Variants in MICALL2 observed in about 807,000 individuals in gnomAD.
MICALL2 encodes the protein MICAL like 2.
Under a neutral mutation model 91.1 loss-of-function variants are expected in MICALL2, and 111 were observed. The ratio of observed to expected loss-of-function variants is 1.22; its 90% confidence interval spans 1.04 to 1.43. The LOEUF (loss-of-function observed/expected upper bound fraction) is 1.43. Ranked by LOEUF, MICALL2 falls within the 40% of genes most tolerant of loss-of-function variation. The pLI, the probability that MICALL2 is intolerant of heterozygous loss-of-function variation, is 0.00. For synonymous variants in MICALL2, 694 were observed against 525.3 expected (o/e 1.32, Z -4.39); for missense variants, 1,556 against 1,236.0 (o/e 1.26, Z -3.88).
Position 1,435,126 on chromosome 7 carries a change from C to T in MICALL2, c.2613G>A (p.Met871Ile). The T allele has an allele frequency of 6.2e-7, 1 of 1,613,626 alleles. No homozygotes were observed. The change falls in exon 16 of 17, where the codon ATG becomes ATA. Residue 871 changes from methionine (M) to isoleucine (I), a missense_variant. Physicochemically the swap from Met to Ile is conservative, Grantham distance 10. Coordinates refer to ENST00000297508, the MANE Select transcript of MICALL2 (RefSeq NM_182924.4). ...CCAGCTTCTCAATCATGTCCCGCAG[C>T]ATCTGATCCTCCTCTTGTTCCCTGA... ...DRLREQEEDQ[M>I]LRDMIEKLGL...
Position 1,447,560 on chromosome 7 carries a change from G to C in MICALL2, c.525+15C>G. 1 of 1,453,538 alleles carries C rather than the reference G, an allele frequency of 6.9e-7. No homozygotes were observed. The allele number at this position is 1,453,538 out of a possible 1,614,324, so 90.0% of individuals were successfully genotyped here. On this transcript the variant is annotated intron_variant, in intron 4 of 16. Transcript: ENST00000297508. ...AAACCCAGAGAACCAGGGGGAGGGT[G>C]GGGTGGGAGCTTACAGTCTTGGGGG...
At chr7:1,439,691 A>C (rs943249245) in intron 9 of MICALL2, 6 of 426,020 alleles carry the variant, frequency 1.4e-5, no homozygotes, top group African/African-American at 1.2e-4. Context: ...ACATGCGCAC[A>C]CATGCATCAC....
At position 1,442,391 on chromosome 7, in the gene MICALL2, A is replaced by T. The variant is rs1780338699; in HGVS notation, c.1512T>A (p.Ser504=). ...TCGAAGGGAGGCCAAGCACCCGGGGAGACGAGGACTGTAACGGCTTGGCTA... is the reference window on the plus strand; with the variant it reads ...TCGAAGGGAGGCCAAGCACCCGGGGTGACGAGGACTGTAACGGCTTGGCTA... The part of the protein sequence containing the change: ...SPLAKPLQSS[S]PRVLGLPSRM... The change falls in exon 7 of 17, where the codon TCT becomes TCA. Residue 504 remains serine (S), a synonymous_variant. Coordinates refer to ENST00000297508, the MANE Select transcript of MICALL2 (RefSeq NM_182924.4). 1 of 1,607,074 alleles carries T rather than the reference A, an allele frequency of 6.2e-7. No homozygotes were observed. Among genetic ancestry groups the T allele is most frequent in the Non-Finnish European group, 8.5e-7 (1 of 1,176,108 alleles).
At chr7:1,441,583 G>A (rs370798369) in intron 7 of MICALL2, 5 of 157,880 alleles carry the variant, frequency 3.2e-5, no homozygotes, top group South Asian at 3.8e-4. Context: ...AGAGCCCTCA[G>A]GTCATAGGGC....
chr7:1,439,622 AACAG>A (rs1417374491), intron 9 of MICALL2: 3 of 327,192 alleles, frequency 9.2e-6, no homozygotes, highest in African/African-American at 2.2e-5. Flanking sequence ...CACATACATG[AACAG>A]ACACATGGAC....
chr7:1,439,417 ATG>A (rs1278405471), intron 9 of MICALL2: 3 of 217,944 alleles, frequency 1.4e-5, no homozygotes, highest in African/African-American at 6.9e-5. Context: ...TTGCACACAC[ATG>A]CATCACACAG....
chr7:1,458,940 C>T (rs1781113948), intron 1 of MICALL2, among the ~76,000 whole-genome samples: 1 of 152,228 alleles, frequency 6.6e-6, no homozygotes, highest in African/African-American at 2.4e-5. Context: ...GCCCAGGAGC[C>T]GCCCTGAGTC....
At chr7:1,437,074 G>A (rs368750321) in intron 14 of MICALL2, 7 of 494,868 alleles carry the variant, frequency 1.4e-5, no homozygotes, top group Non-Finnish European at 2.5e-5. Flanking sequence ...TCATCTCGCA[G>A]AAACACCACT....
intron 1 of MICALL2, among the ~76,000 whole-genome samples, chr7:1,458,929 G>C (rs1222661241): frequency 1.3e-5 from 2 of 152,240 alleles, no homozygotes; most frequent in African/African-American, 2.4e-5. Flanking sequence ...CTGAAGCCAG[G>C]GCCCAGGAGC....
chr7:1,438,003 G>A, intron 12 of MICALL2, 23 bp from the exon 13 acceptor site: 3 of 1,550,578 alleles, frequency 1.9e-6, no homozygotes, highest in Non-Finnish European at 2.6e-6. Flanking sequence ...GCCAGCTGGG[G>A]CAGGGGGGCC....
intron 15 of MICALL2, among the ~76,000 whole-genome samples, 160 bp downstream of exon 15, chr7:1,436,582 T>C (rs985088964): frequency 5.0e-5 from 7 of 140,978 alleles, no homozygotes; most frequent in African/African-American, 1.4e-4. Context: ...CTTCAAAAAG[T>C]CCCCGATGGC....
Position 1,446,694 on chromosome 7 carries a change from G to A in MICALL2, c.641+19C>T, listed in dbSNP as rs377031996. On this transcript the variant is annotated intron_variant, in intron 5 of 16. Coordinates refer to ENST00000297508, the MANE Select transcript of MICALL2 (RefSeq NM_182924.4). ...AGGGGAGGTGCACACTCAGGCGTGC[G>A]GGCAGAGGGCAGCCCCACCTGAAGC... 1.3e-4 allele frequency: 205 copies of A among 1,553,786 alleles called. No individual in the cohort carries two copies. Among genetic ancestry groups the A allele is most frequent in the African/African-American group, 3.0e-4 (22 of 73,408 alleles).
intron 14 of MICALL2, 57 bp from the exon 15 acceptor site, chr7:1,436,913 G>T: frequency 7.7e-7 from 1 of 1,303,036 alleles, no homozygotes. Flanking sequence ...CCCCTCACAG[G>T]ACACAATGTC....
intron 6 of MICALL2, 115 bp from the exon 7 acceptor site, chr7:1,442,599 G>A (rs1057119681): frequency 5.0e-5 from 53 of 1,064,842 alleles, no homozygotes; most frequent in South Asian, 1.1e-4. Flanking sequence ...GCCTCCGGAC[G>A]GACTCCCACC....
rs772165115 is a variant in MICALL2 at position 1,452,709 on chromosome 7, C to G, written c.144-2421G>C. 3.3e-5 allele frequency among the ~76,000 whole-genome samples: 5 copies of G among 152,172 alleles called. No homozygotes were observed. The highest frequency in any genetic ancestry group is 5.9e-5 in the Non-Finnish European group (4 of 68,020). On this transcript the variant is annotated intron_variant, in intron 1 of 16. Coordinates refer to ENST00000297508, the MANE Select transcript of MICALL2 (RefSeq NM_182924.4). This position sits in a 1 kb window ranked among gnomAD's most constrained non-coding sequence, Gnocchi z 6.2. ...CAGGCTCTCAGAGCTCCAGGCAGATCAGAGCACCCCAGGCCCTCTGGACAC... is the reference window on the plus strand; with the variant it reads ...CAGGCTCTCAGAGCTCCAGGCAGATGAGAGCACCCCAGGCCCTCTGGACAC...
intron 1 of MICALL2, among the ~76,000 whole-genome samples, chr7:1,456,616 AAT>A: frequency 6.6e-6 from 1 of 151,680 alleles, no homozygotes; most frequent in South Asian, 2.1e-4. Flanking sequence ...AAATAGATAA[AAT>A]TAAATTAAAA....
rs1780347927 is a variant in MICALL2 at position 1,442,480 on chromosome 7, A to AG, written c.1422dup (p.Ser475LeufsTer15). The AG allele has an allele frequency of 6.6e-7, 1 of 1,525,768 alleles. No individual in the cohort carries two copies. The highest frequency in any genetic ancestry group is 1.3e-5 in the South Asian group (1 of 76,970). 94.5% of individuals were successfully genotyped at this position (1,525,768 alleles called of 1,614,324 possible). A position where few individuals can be genotyped will look rare whatever the true frequency, so the allele number is the denominator to read the frequency against. ...CTGGGAACAGCGGCAGTGGCTGGGGAGGGCCTATAAGTAAAAGCGCAGGCA... is the reference window on the plus strand; with the variant it reads ...CTGGGAACAGCGGCAGTGGCTGGGGAGGGGCCTATAAGTAAAAGCGCAGGCA... On this transcript the variant is annotated frameshift_variant, in exon 7 of 17. Coordinates refer to ENST00000297508, the MANE Select transcript of MICALL2 (RefSeq NM_182924.4). LOFTEE classifies it high-confidence loss of function.
intron 9 of MICALL2, chr7:1,439,365 C>CCG: frequency 8.4e-6 from 2 of 239,050 alleles, no homozygotes; most frequent in South Asian, 9.6e-5. Flanking sequence ...ATTCATGAAA[C>CCG]AGATCCACAC....
intron 6 of MICALL2, among the ~76,000 whole-genome samples, chr7:1,443,125 TA>T (rs1351212276): frequency 8.4e-6 from 1 of 119,286 alleles, no homozygotes; most frequent in Non-Finnish European, 1.7e-5. Context: ...CCTTTCCCTT[TA>T]CACTGGGCTC....
Sources: allele counts gnomAD v4.1 joint callset (sites outside exome capture counted in the v4.1 genomes callset), GRCh38; gene constraint gnomAD v4.1.1; non-coding constraint Gnocchi (gnomAD v3.1); transcripts MANE v1.5; gene names NCBI Gene and HGNC (gene_info 2026-07-23, HGNC 2026-07-21).